The following PTPN5 variants were observed in gnomAD, a reference collection of about 807,000 sequenced individuals.
PTPN5 encodes the protein protein tyrosine phosphatase non-receptor type 5.
In PTPN5, 29 loss-of-function variants were observed where a neutral mutation model predicts 73.9. The ratio of observed to expected loss-of-function variants is 0.39; its 90% CI spans 0.29 to 0.54. The LOEUF (loss-of-function observed/expected upper bound fraction) is 0.54. Among genes scored for constraint, PTPN5 ranks in the 20% least tolerant of loss-of-function variants. The pLI, the probability that PTPN5 is intolerant of heterozygous loss-of-function variation, is 0.65. For synonymous variants in PTPN5, 267 were observed against 304.7 expected, an observed-to-expected ratio of 0.88 and a Z score of 1.29; for missense variants, 652 against 751.4, an observed-to-expected ratio of 0.87 and a Z score of 1.55.
intron 8 of PTPN5, 120 bp from the exon 9 acceptor site, chr11:18,738,084 A>G (rs2134207817): frequency 1.3e-6 from 1 of 743,810 alleles, no homozygotes; most frequent in Non-Finnish European, 2.4e-6. Flanking sequence ...CATTCATTCA[A>G]CAAACATTTA....
At chr11:18,759,919 G>C (rs1011948825) in intron 3 of PTPN5, among the ~76,000 whole-genome samples, 1 of 140,956 alleles carries the variant, frequency 7.1e-6, no homozygotes, top group Non-Finnish European at 1.5e-5. Context: ...GGGGCTAGCA[G>C]ATCAGGGATG....
At chr11:18,778,018 G>A (rs1464378405) in intron 1 of PTPN5, among the ~76,000 whole-genome samples, 2 of 150,770 alleles carry the variant, frequency 1.3e-5, no homozygotes, top group Admixed American at 1.3e-4. Flanking sequence ...AAGGAAGGAA[G>A]GAAGGAAGGG....
chr11:18,763,692 T>A (rs7924452), intron 3 of PTPN5, among the ~76,000 whole-genome samples: 6 of 152,208 alleles, frequency 3.9e-5, no homozygotes, highest in South Asian at 2.1e-4. Context: ...TTTATTTACC[T>A]CTATATATCT....
At chr11:18,786,005 C>T (rs928553920) in intron 1 of PTPN5, among the ~76,000 whole-genome samples, 1 of 152,202 alleles carries the variant, frequency 6.6e-6, no homozygotes, top group African/African-American at 2.4e-5. Flanking sequence ...AAACTTGAGT[C>T]ACGCTTGCTT....
intron 3 of PTPN5, among the ~76,000 whole-genome samples, chr11:18,759,728 A>C (rs1402778827): frequency 7.6e-6 from 1 of 131,676 alleles, no homozygotes; most frequent in East Asian, 2.5e-4. Context: ...CATCAATTCA[A>C]CAAAGAAATA....
intron 1 of PTPN5, among the ~76,000 whole-genome samples, chr11:18,785,003 G>A (rs752470737): frequency 9.2e-5 from 14 of 151,926 alleles, no homozygotes; most frequent in South Asian, 2.1e-4. Flanking sequence ...GCAGGTGTGC[G>A]CCACCATGCC....
chr11:18,744,710 C>A (rs995084689), intron 3 of PTPN5, among the ~76,000 whole-genome samples: 1 of 152,164 alleles, frequency 6.6e-6, no homozygotes, highest in Non-Finnish European at 1.5e-5. Flanking sequence ...CATCTCAAGA[C>A]TCCCTGCACG....
rs145032690 is a variant in PTPN5 at position 18,768,994 on chromosome 11, A to G, written c.20+2945T>C. 6.4e-3 allele frequency among the ~76,000 whole-genome samples: 974 copies of G among 152,298 alleles called. 12 individuals are homozygous for G. Among genetic ancestry groups the G allele is most frequent in the African/African-American group, 0.022 (933 of 41,566 alleles). On this transcript the variant is annotated intron_variant, in intron 2 of 14. Coordinates refer to ENST00000358540, the MANE Select transcript of PTPN5 (RefSeq NM_006906.2). Reference sequence around the variant, plus strand: ...ACACTGGCCTGTGACAACAGCAGCCACTTGCTGGGCTGCCCCCACCACTGC... The same window carrying G: ...ACACTGGCCTGTGACAACAGCAGCCGCTTGCTGGGCTGCCCCCACCACTGC...
chr11:18,786,392 CG>C (rs1851672528), intron 1 of PTPN5, among the ~76,000 whole-genome samples: 1 of 151,886 alleles, frequency 6.6e-6, no homozygotes, highest in Admixed American at 6.6e-5. Flanking sequence ...TTAGTAGACA[CG>C]GGATTTCACC....
chr11:18,779,106 C>T (rs759766386), intron 1 of PTPN5, among the ~76,000 whole-genome samples: 7 of 152,182 alleles, frequency 4.6e-5, no homozygotes, highest in Non-Finnish European at 1.0e-4. Flanking sequence ...TTTGCTCCCA[C>T]CTGCAACTAG....
intron 3 of PTPN5, among the ~76,000 whole-genome samples, chr11:18,764,319 CT>C (rs1302864612): frequency 6.6e-6 from 1 of 152,220 alleles, no homozygotes; most frequent in Non-Finnish European, 1.5e-5. Context: ...CAGAATAGAT[CT>C]GCTGCCCCTT....
chr11:18,770,042 C>T (rs4756966), intron 2 of PTPN5, among the ~76,000 whole-genome samples: 1 of 152,202 alleles, frequency 6.6e-6, no homozygotes, highest in African/African-American at 2.4e-5. Context: ...GTCTGTAACA[C>T]GAAGTGGGGG....
rs750514716 is a variant in PTPN5 at position 18,732,627 on chromosome 11, T to C, written c.1294A>G (p.Thr432Ala). 7.4e-6 allele frequency: 12 copies of C among 1,613,938 alleles called. No individual in the cohort carries two copies. The highest frequency in any genetic ancestry group is 2.2e-5 in the South Asian group (2 of 91,068). The change falls in exon 12 of 15, where the codon ACG becomes GCG. Residue 432 changes from threonine (T) to alanine (A), a missense_variant. By Grantham distance (58) the Thr-to-Ala change is moderately conservative. Around this residue, in one of 3 missense-constraint regions of PTPN5, gnomAD observed 529 missense variants for 573.9 expected, o/e 0.92. Coordinates refer to ENST00000358540, the MANE Select transcript of PTPN5 (RefSeq NM_006906.2). Reference protein sequence around the residue: ...VEITVQKVIHTEDYRLRLISL... With the variant: ...VEITVQKVIHAEDYRLRLISL... ...ATGAGTCGCAGCCGGTAATCCTCCG[T>C]GTGAATGACTTTCTGCACAGTGATC... is the stretch of plus-strand genomic sequence containing the variant.
intron 1 of PTPN5, among the ~76,000 whole-genome samples, chr11:18,780,661 G>C (rs1056101445): frequency 6.6e-6 from 1 of 152,048 alleles, no homozygotes; most frequent in Non-Finnish European, 1.5e-5. Flanking sequence ...AGCACTTTTT[G>C]TGACTTGGAA....
In PTPN5 at chr11:18,728,877, G is replaced by C; in HGVS notation, c.*57C>G. ...CCCAGGACCCGAGGCAGGGCCCTGG[G>C]TGAGGGCCGAGACTCAGGCTGGGCA... On this transcript the variant is annotated 3_prime_UTR_variant, in exon 15 of 15. Transcript: ENST00000358540. This position sits in a 1 kb window ranked among gnomAD's most constrained non-coding sequence, Gnocchi z 4.1. 4 of 1,543,442 alleles carry C rather than the reference G, an allele frequency of 2.6e-6. No homozygotes were observed. In the South Asian group the frequency reaches 4.8e-5, roughly 18 times the overall value.
chr11:18,773,465 C>A (rs1851006096), intron 1 of PTPN5, among the ~76,000 whole-genome samples: 1 of 152,050 alleles, frequency 6.6e-6, no homozygotes, highest in Admixed American at 6.6e-5. Flanking sequence ...TCCGCTGCAC[C>A]CCACACGGCG....
chr11:18,761,821 G>A (rs969765103), intron 3 of PTPN5, among the ~76,000 whole-genome samples: 2 of 152,168 alleles, frequency 1.3e-5, no homozygotes, highest in African/African-American at 4.8e-5. Flanking sequence ...TGGAAGCCGC[G>A]GGATGGAGGG....
intron 3 of PTPN5, among the ~76,000 whole-genome samples, chr11:18,746,099 C>T (rs546418297): frequency 4.8e-5 from 7 of 146,320 alleles, no homozygotes; most frequent in Non-Finnish European, 1.0e-4. Flanking sequence ...CTCTTTTACT[C>T]AGTTTTTTTT....
At chr11:18,737,019 C>T (rs774456529) in intron 9 of PTPN5, among the ~76,000 whole-genome samples, 1 of 152,228 alleles carries the variant, frequency 6.6e-6, no homozygotes, top group Non-Finnish European at 1.5e-5. Flanking sequence ...TAAGTCATGA[C>T]ATCTTACATG....
Sources: gnomAD v4.1 joint callset for allele counts (sites outside exome capture counted in the v4.1 genomes callset) on GRCh38, gnomAD v4.1.1 for gene constraint, gnomAD v4.1.1 regional missense constraint, Gnocchi (gnomAD v3.1) non-coding constraint, MANE v1.5 for transcripts, NCBI Gene and HGNC (gene_info 2026-07-23, HGNC 2026-07-21) for gene names.